The following SPTLC1 variants were observed in gnomAD, a reference collection of about 807,000 sequenced individuals.
SPTLC1 encodes the protein serine palmitoyltransferase long chain base subunit 1.
In SPTLC1, 55 loss-of-function variants were observed where a neutral mutation model predicts 68.9. The ratio of observed to expected loss-of-function variants is 0.80; its 90% confidence interval spans 0.64 to 1.00. SPTLC1 has a LOEUF of 1.00. SPTLC1 is among the 50% of genes least tolerant of loss of function. The pLI is 0.00. For missense variants in SPTLC1, 449 were observed against 573.1 expected (o/e 0.78, Z 2.21); for synonymous variants, 197 against 201.6 (o/e 0.98, Z 0.19).
chr9:92,033,854 C>T (rs1833053436), intron 14 of SPTLC1, among the ~76,000 whole-genome samples: 1 of 152,186 alleles, frequency 6.6e-6, no homozygotes, highest in South Asian at 2.1e-4. Flanking sequence ...CTGAAAAGGG[C>T]AGGCTCCTTA....
intron 6 of SPTLC1, 40 bp from the exon 7 acceptor site, chr9:92,059,348 T>C: frequency 6.2e-7 from 1 of 1,611,604 alleles, no homozygotes; most frequent in Non-Finnish European, 8.5e-7. Context: ...GTTTAAAGGG[T>C]CTTGTCAACA....
At chr9:92,061,169 C>A (rs1052745911) in intron 6 of SPTLC1, among the ~76,000 whole-genome samples, 1 of 152,120 alleles carries the variant, frequency 6.6e-6, no homozygotes, top group African/African-American at 2.4e-5. Flanking sequence ...AAAATCCATA[C>A]GGACTAATGC....
At chr9:92,079,413 T>A in intron 5 of SPTLC1, 1 of 1,553,044 alleles carries the variant, frequency 6.4e-7, no homozygotes. Flanking sequence ...GAGCAAAGAA[T>A]ATACACTTAA....
At chr9:92,095,944 A>C (rs1021135275) in intron 3 of SPTLC1, among the ~76,000 whole-genome samples, 7 of 152,240 alleles carry the variant, frequency 4.6e-5, no homozygotes, top group Admixed American at 1.3e-4. Context: ...GACAACAGGC[A>C]GTCACTCCCC....
chr9:92,091,133 T>G (rs1350120212), intron 3 of SPTLC1, among the ~76,000 whole-genome samples: 1 of 152,268 alleles, frequency 6.6e-6, no homozygotes, highest in Non-Finnish European at 1.5e-5. Flanking sequence ...GAAATCAGTT[T>G]GTTTTTTATA....
intron 2 of SPTLC1, chr9:92,111,100 C>T (rs1409720398): frequency 6.6e-6 from 1 of 152,166 alleles, no homozygotes; most frequent in African/African-American, 2.4e-5. Context: ...AGCAGGCCAA[C>T]ATCACCTATC....
intron 5 of SPTLC1, chr9:92,079,761 C>A (rs1214901692): frequency 3.0e-6 from 2 of 658,942 alleles, no homozygotes; most frequent in Admixed American, 2.4e-5. Flanking sequence ...GCTCTGCACT[C>A]GTTCCTCACG....
chr9:92,079,771 G>A (rs1342909382), intron 5 of SPTLC1: 9 of 650,992 alleles, frequency 1.4e-5, no homozygotes, highest in Admixed American at 5.0e-5. Context: ...CGTTCCTCAC[G>A]CTGCAATCCC....
intron 5 of SPTLC1, among the ~76,000 whole-genome samples, chr9:92,075,823 C>T (rs191019091): frequency 3.9e-5 from 6 of 152,310 alleles, no homozygotes; most frequent in Non-Finnish European, 7.3e-5. Context: ...TTGGACAGGA[C>T]TTCAACCCGG....
At chr9:92,040,285 G>A (rs1484876695) in intron 12 of SPTLC1, among the ~76,000 whole-genome samples, 1 of 151,830 alleles carries the variant, frequency 6.6e-6, no homozygotes, top group Non-Finnish European at 1.5e-5. Flanking sequence ...TAGTACAATC[G>A]CTTGAACCTG....
At chr9:92,055,603 T>A in intron 7 of SPTLC1, 109 bp from the exon 8 acceptor site, 1 of 1,084,298 alleles carries the variant, frequency 9.2e-7, no homozygotes, top group Non-Finnish European at 1.4e-6. Flanking sequence ...TAAAAAAATA[T>A]TCTGAATGAA....
intron 1 of SPTLC1, chr9:92,114,871 G>T: frequency 5.6e-6 from 1 of 179,524 alleles, no homozygotes; most frequent in South Asian, 1.1e-4. Context: ...ATTTCTTTTC[G>T]ACAAAAACAA....
intron 3 of SPTLC1, among the ~76,000 whole-genome samples, chr9:92,107,544 A>G (rs372459855): frequency 6.6e-6 from 1 of 152,244 alleles, no homozygotes. Flanking sequence ...CAAAGTCAGG[A>G]AATCGAGACC....
chr9:92,070,373 C>T (rs1834435381), intron 5 of SPTLC1: 2 of 152,222 alleles, frequency 1.3e-5, no homozygotes, highest in Non-Finnish European at 2.9e-5. Flanking sequence ...TCCATATCTT[C>T]TGTGTGTATG....
intron 3 of SPTLC1, among the ~76,000 whole-genome samples, chr9:92,084,227 C>G (rs1835019556): frequency 6.6e-6 from 1 of 150,562 alleles, no homozygotes; most frequent in East Asian, 1.9e-4. Flanking sequence ...ATTGAATACC[C>G]TTTATTTCCT....
Position 92,073,742 on chromosome 9 carries a change from A to G in SPTLC1, c.428-5644T>C, listed in dbSNP as rs371478809. On this transcript the variant is annotated intron_variant, in intron 5 of 14. Coordinates refer to ENST00000262554, the MANE Select transcript of SPTLC1 (RefSeq NM_006415.4). ...AATCAACCCTGCCTTCAAGGTGTTC[A>G]ATAATAGGGAAGAGGCTGCCAGGCG... is the stretch of plus-strand genomic sequence containing the variant. 3.7e-4 allele frequency among the ~76,000 whole-genome samples: 57 copies of G among 152,360 alleles called. 1 individual carries two copies. In the South Asian group the frequency reaches 0.01, roughly 28 times the overall value.
At chr9:92,079,630 A>C in intron 5 of SPTLC1, 1 of 1,408,748 alleles carries the variant, frequency 7.1e-7, no homozygotes, top group Non-Finnish European at 1.0e-6. Context: ...TCTGCTCTCC[A>C]CTTTCTTCCT....
At chr9:92,071,227 T>TAAAA (rs777594686) in intron 5 of SPTLC1, among the ~76,000 whole-genome samples, 1 of 101,212 alleles carries the variant, frequency 9.9e-6, no homozygotes, top group South Asian at 3.3e-4. Context: ...CTATCTCTAC[T>TAAAA]AAAAAAAAAA....
intron 8 of SPTLC1, among the ~76,000 whole-genome samples, chr9:92,054,890 G>A (rs998874819): frequency 3.3e-5 from 5 of 151,590 alleles, no homozygotes; most frequent in South Asian, 2.1e-4. Flanking sequence ...CCAGCCTGAC[G>A]ACAGGGCAAG....
Sources: allele counts gnomAD v4.1 joint callset (sites outside exome capture counted in the v4.1 genomes callset), GRCh38; gene constraint gnomAD v4.1.1; transcripts MANE v1.5; gene names NCBI Gene and HGNC (gene_info 2026-07-23, HGNC 2026-07-21).